The following VPS13A variants were observed in gnomAD, a reference collection of about 807,000 sequenced individuals.
VPS13A encodes the protein vacuolar protein sorting 13 homolog A, also known as intermembrane lipid transfer protein VPS13A.
In VPS13A, 264 loss-of-function variants were observed where a neutral mutation model predicts 390.9. The observed-to-expected ratio is 0.68, with a 90% CI of 0.61 to 0.75. The LOEUF (loss-of-function observed/expected upper bound fraction) is 0.75. Among genes scored for constraint, VPS13A ranks in the 30% least tolerant of loss-of-function variants. The pLI is 0.00. For synonymous variants in VPS13A, 1,231 were observed against 1,227.1 expected (o/e 1.00, Z -0.07); for missense variants, 3,409 against 3,733.9 (o/e 0.91, Z 2.27).
intron 17 of VPS13A, among the ~76,000 whole-genome samples, chr9:77,231,663 G>A (rs539799429): frequency 2.0e-5 from 3 of 151,946 alleles, no homozygotes; most frequent in East Asian, 1.9e-4. Flanking sequence ...AACTGTCACC[G>A]GTACATGATT....
intron 1 of VPS13A, among the ~76,000 whole-genome samples, chr9:77,188,906 A>C (rs1206882474): frequency 6.6e-6 from 1 of 151,654 alleles, no homozygotes; most frequent in Non-Finnish European, 1.5e-5. Flanking sequence ...TCTTGGCCGC[A>C]TGTGTCTTTT....
chr9:77,390,718 G>T (rs1410644591), intron 68 of VPS13A, among the ~76,000 whole-genome samples: 1 of 136,578 alleles, frequency 7.3e-6, no homozygotes, highest in Non-Finnish European at 1.5e-5. Flanking sequence ...TCACTCTCTC[G>T]CCCAAGCTGG....
At chr9:77,276,266 T>G (rs1207613423) in intron 26 of VPS13A, 45 bp downstream of exon 26, 10 of 1,481,368 alleles carry the variant, frequency 6.8e-6, no homozygotes, top group Non-Finnish European at 9.1e-6. Flanking sequence ...ATTTCATTGT[T>G]TGACTACCTG....
chr9:77,276,017 A>G, intron 25 of VPS13A, 48 bp from the exon 26 acceptor site: 1 of 1,583,542 alleles, frequency 6.3e-7, no homozygotes, highest in Middle Eastern at 1.8e-4. Context: ...GCACATAAAC[A>G]TGTTTTTGTT....
At chr9:77,395,114 G>GT in intron 68 of VPS13A, among the ~76,000 whole-genome samples, 1 of 152,272 alleles carries the variant, frequency 6.6e-6, no homozygotes. Context: ...GGTACAAGAG[G>GT]TACTACCTTT....
At chr9:77,305,011 T>C (rs976681915) in intron 34 of VPS13A, among the ~76,000 whole-genome samples, 2 of 151,652 alleles carry the variant, frequency 1.3e-5, no homozygotes, top group African/African-American at 4.8e-5. Flanking sequence ...CAATCTCAGC[T>C]CACTGCAAGC....
At chr9:77,185,821 A>T (rs181566260) in intron 1 of VPS13A, among the ~76,000 whole-genome samples, 1 of 152,198 alleles carries the variant, frequency 6.6e-6, no homozygotes, top group East Asian at 1.9e-4. Context: ...AACTAGTCCA[A>T]GTCCACGTCC....
chr9:77,319,810 C>T, intron 42 of VPS13A, 137 bp downstream of exon 42: 1 of 521,056 alleles, frequency 1.9e-6, no homozygotes, highest in Non-Finnish European at 3.3e-6. Context: ...CCTACTTCTG[C>T]ACATGTATAG....
chr9:77,281,507 A>G (rs1827024362), intron 27 of VPS13A, among the ~76,000 whole-genome samples: 1 of 152,078 alleles, frequency 6.6e-6, no homozygotes, highest in Non-Finnish European at 1.5e-5. Context: ...TCTGTCACAA[A>G]TTTTGTTTTT....
chr9:77,269,513 C>T (rs576184924), intron 23 of VPS13A, among the ~76,000 whole-genome samples: 17 of 152,216 alleles, frequency 1.1e-4, no homozygotes, highest in African/African-American at 3.6e-4. Context: ...AAAATGTTTT[C>T]GACTGATTCC....
At chr9:77,392,084 A>G (rs1190827306) in intron 68 of VPS13A, among the ~76,000 whole-genome samples, 1 of 152,076 alleles carries the variant, frequency 6.6e-6, no homozygotes, top group African/African-American at 2.4e-5. Flanking sequence ...GGATCTTCAC[A>G]CTCTCATTCC....
intron 1 of VPS13A, among the ~76,000 whole-genome samples, chr9:77,193,514 A>G (rs371200333): frequency 5.3e-5 from 8 of 152,276 alleles, no homozygotes; most frequent in East Asian, 1.9e-4. Context: ...GGCACCTGTA[A>G]TCCTAGTTAC....
intron 22 of VPS13A, among the ~76,000 whole-genome samples, chr9:77,254,112 T>G (rs1825310311): frequency 6.6e-6 from 1 of 151,618 alleles, no homozygotes; most frequent in East Asian, 1.9e-4. Context: ...CCTGGCTAAT[T>G]TTTTGTATTT....
intron 19 of VPS13A, among the ~76,000 whole-genome samples, 159 bp from the exon 20 acceptor site, chr9:77,247,100 G>A (rs1014202199): frequency 2.6e-5 from 4 of 151,930 alleles, no homozygotes; most frequent in Non-Finnish European, 5.9e-5. Flanking sequence ...GCATTGGCAG[G>A]TATTTTAAAT....
At chr9:77,333,698 G>A (rs1026423562) in intron 46 of VPS13A, among the ~76,000 whole-genome samples, 13 of 152,028 alleles carry the variant, frequency 8.6e-5, no homozygotes, top group Admixed American at 8.5e-4. Flanking sequence ...TATTTAAGAT[G>A]TGAGGTTTTA....
At chr9:77,296,767 T>A (rs1298133171) in intron 33 of VPS13A, among the ~76,000 whole-genome samples, 1 of 152,188 alleles carries the variant, frequency 6.6e-6, no homozygotes, top group African/African-American at 2.4e-5. Context: ...AGGTAGAATT[T>A]ACCAGCGAAG....
rs527950248 is a variant in VPS13A at position 77,199,870 on chromosome 9, G to A, written c.101-75G>A. The A allele has an allele frequency of 1.3e-5, 16 of 1,216,806 alleles. 1 individual carries two copies. The South Asian group carries it at 2.2e-4, about 16-fold the overall frequency. The allele number at this position is 1,216,806 out of a possible 1,614,324, so 75.4% of individuals were successfully genotyped here. A position where few individuals can be genotyped will look rare whatever the true frequency, so the allele number is the denominator to read the frequency against. ...TATATATTTTTCCTGATTATGACAGGAATGAAGCATACATATTAACTTTTT... is the reference window on the plus strand; with the variant it reads ...TATATATTTTTCCTGATTATGACAGAAATGAAGCATACATATTAACTTTTT... On this transcript the variant is annotated intron_variant, in intron 1 of 71. Coordinates refer to ENST00000360280, the MANE Select transcript of VPS13A (RefSeq NM_033305.3).
In VPS13A at chr9:77,270,387, G is replaced by A. The variant is rs1678694901; in HGVS notation, c.2428-2893G>A. On this transcript the variant is annotated intron_variant, in intron 23 of 71. Coordinates refer to ENST00000360280, the MANE Select transcript of VPS13A (RefSeq NM_033305.3). ...GATCTTGGTTAAATTATGTTCTAGT[G>A]ATGAAGTTGGATATTTAGCTGTGGA... 4.6e-5 allele frequency among the ~76,000 whole-genome samples: 7 copies of A among 152,316 alleles called. No individual in the cohort carries two copies. The South Asian group carries it at 1.4e-3, about 32-fold the overall frequency.
Position 77,421,208 on chromosome 9 carries a change from T to C in VPS13A, c.*5202T>C, listed in dbSNP as rs1835328803. The C allele has an allele frequency of 6.6e-6, 1 of 152,238 alleles. No individual in the cohort carries two copies. The highest frequency in any genetic ancestry group is 1.5e-5 in the Non-Finnish European group (1 of 68,036). The allele number at this position is 152,238 out of a possible 1,614,324, so 9.4% of individuals were successfully genotyped here. On this transcript the variant is annotated 3_prime_UTR_variant, in exon 72 of 72. Coordinates refer to ENST00000360280, the MANE Select transcript of VPS13A (RefSeq NM_033305.3). ...ATTATGATAATTTTAAAAATATCTA[T>C]TTCTGCATCGCTGCAGGATTTCCTA...
Sources: allele counts gnomAD v4.1 joint callset (sites outside exome capture counted in the v4.1 genomes callset), GRCh38; gene constraint gnomAD v4.1.1; transcripts MANE v1.5; gene names NCBI Gene and HGNC (gene_info 2026-07-23, HGNC 2026-07-21).